The following LAMA2 variants were observed in gnomAD, a reference collection of about 807,000 sequenced individuals.
LAMA2 encodes the protein laminin subunit alpha 2.
In LAMA2, 269 loss-of-function variants were observed where a neutral mutation model predicts 364.8. The observed-to-expected ratio is 0.74, with a 90% CI of 0.67 to 0.82. The LOEUF is 0.82. LAMA2 is among the 40% of genes least tolerant of loss of function. LAMA2 has a pLI of 0.00. For missense variants in LAMA2, 3,807 were observed against 3,873.2 expected (o/e 0.98, Z 0.45); for synonymous variants, 1,379 against 1,370.6 (o/e 1.01, Z -0.14).
At chr6:129,218,700 A>G (rs983157570) in intron 12 of LAMA2, among the ~76,000 whole-genome samples, 2 of 152,210 alleles carry the variant, frequency 1.3e-5, no homozygotes, top group African/African-American at 4.8e-5. Context: ...TGATCTAAAT[A>G]TAGAAAGCAT....
intron 54 of LAMA2, 145 bp downstream of exon 54, chr6:129,478,958 G>A: frequency 1.3e-6 from 1 of 789,188 alleles, no homozygotes; most frequent in South Asian, 1.5e-5. Flanking sequence ...CAAGATTAAA[G>A]CATTCTCTAA....
chr6:128,913,755 T>C (rs1269693427), intron 1 of LAMA2, among the ~76,000 whole-genome samples: 1 of 152,190 alleles, frequency 6.6e-6, no homozygotes, highest in Non-Finnish European at 1.5e-5. Context: ...GGCATAATCA[T>C]ATTTTTATGT....
chr6:129,365,082 A>G (rs923048472), intron 32 of LAMA2, among the ~76,000 whole-genome samples: 3 of 152,204 alleles, frequency 2.0e-5, no homozygotes, highest in South Asian at 2.1e-4. Flanking sequence ...TGGGGATGAC[A>G]TTTCAATATG....
chr6:129,159,043 C>T, intron 8 of LAMA2: 1 of 1,581,290 alleles, frequency 6.3e-7, no homozygotes, highest in South Asian at 1.1e-5. Context: ...GCATACTATC[C>T]AGATTCTGTC....
At chr6:129,056,380 G>A (rs539438380) in intron 2 of LAMA2, among the ~76,000 whole-genome samples, 48 of 152,238 alleles carry the variant, frequency 3.2e-4, no homozygotes, top group African/African-American at 7.9e-4. Context: ...TTTGACTAAT[G>A]CTAACATTTA....
chr6:129,317,453 A>C (rs1774683376), intron 27 of LAMA2, among the ~76,000 whole-genome samples: 1 of 152,198 alleles, frequency 6.6e-6, no homozygotes, highest in Non-Finnish European at 1.5e-5. Context: ...TATTTCATGC[A>C]GAAGATCCAT....
At chr6:129,051,183 G>C (rs1397136600) in intron 2 of LAMA2, among the ~76,000 whole-genome samples, 1 of 138,618 alleles carries the variant, frequency 7.2e-6, no homozygotes, top group Non-Finnish European at 1.5e-5. Flanking sequence ...CTCTCTCTCT[G>C]TATATATATA....
chr6:129,425,825 G>T (rs1327203182), intron 40 of LAMA2, among the ~76,000 whole-genome samples: 1 of 151,984 alleles, frequency 6.6e-6, no homozygotes, highest in Non-Finnish European at 1.5e-5. Flanking sequence ...TATTTATCCA[G>T]TCTGCCGCTG....
At chr6:128,928,767 A>G (rs184077569) in intron 1 of LAMA2, among the ~76,000 whole-genome samples, 47 of 152,382 alleles carry the variant, frequency 3.1e-4, no homozygotes, top group Admixed American at 6.5e-4. Flanking sequence ...ACATTTGATC[A>G]GTTGTCAAAG....
rs1223038469 is a variant in LAMA2, at chr6:129,200,324, A to G, written c.1782+7471A>G. Among the ~76,000 whole-genome samples the G allele has an allele frequency of 1.4e-5, 2 of 146,550 alleles. 1 individual carries two copies. Among genetic ancestry groups the G allele is most frequent in the Non-Finnish European group, 3.1e-5 (2 of 65,488 alleles). ...CATGTGTGTATATATATACGTGTAC[A>G]CATATACATATACACGTATATGTGT... is the stretch of plus-strand genomic sequence containing the variant. On this transcript the variant is annotated intron_variant, in intron 12 of 64. Transcript: ENST00000421865.
chr6:128,921,711 T>TTA (rs1554324962), intron 1 of LAMA2, among the ~76,000 whole-genome samples: 2 of 138,708 alleles, frequency 1.4e-5, no homozygotes, highest in African/African-American at 5.6e-5. Flanking sequence ...TTTTTTTTTT[T>TTA]TTATTATTAT....
In LAMA2 at chr6:129,492,082, G is replaced by A; in HGVS notation, c.8075+5G>A. ...GAATCTTGTTATTAACTCTGTGTAA[G>A]TGGATCTCCTCATTACTACTACTAA... is the stretch of plus-strand genomic sequence containing the variant. On this transcript the variant is annotated splice_donor_5th_base_variant and intron_variant, in intron 57 of 64. Coordinates refer to ENST00000421865, the MANE Select transcript of LAMA2 (RefSeq NM_000426.4). 1.2e-6 allele frequency: 2 copies of A among 1,611,344 alleles called. No individual in the cohort carries two copies. The highest frequency in any genetic ancestry group is 1.3e-5 in the African/African-American group (1 of 74,928).
At chr6:129,037,607 T>C (rs1355475913) in intron 1 of LAMA2, among the ~76,000 whole-genome samples, 2 of 152,110 alleles carry the variant, frequency 1.3e-5, no homozygotes, top group African/African-American at 4.8e-5. Flanking sequence ...GTTAAAAATA[T>C]AATAATATGC....
intron 29 of LAMA2, among the ~76,000 whole-genome samples, chr6:129,338,106 T>A (rs530763820): frequency 7.4e-4 from 113 of 152,338 alleles, no homozygotes; most frequent in Admixed American, 2.7e-3. Context: ...GAAGAAATTA[T>A]GTAGACTTAC....
intron 10 of LAMA2, among the ~76,000 whole-genome samples, chr6:129,184,660 T>A (rs1405669641): frequency 6.6e-6 from 1 of 151,886 alleles, no homozygotes; most frequent in Non-Finnish European, 1.5e-5. Context: ...TGTTCGCCCC[T>A]GATCCTTGCT....
chr6:129,194,289 G>C (rs1781711606), intron 12 of LAMA2, among the ~76,000 whole-genome samples: 2 of 151,718 alleles, frequency 1.3e-5, no homozygotes, highest in South Asian at 4.1e-4. Flanking sequence ...TTTCTTATAT[G>C]ATGGCAACAC....
intron 1 of LAMA2, among the ~76,000 whole-genome samples, chr6:128,890,375 A>T (rs1324914741): frequency 6.6e-6 from 1 of 152,146 alleles, no homozygotes; most frequent in Non-Finnish European, 1.5e-5. Context: ...GTAGATGCTA[A>T]CTATCACCTC....
At chr6:129,127,384 T>C (rs1777179879) in intron 4 of LAMA2, among the ~76,000 whole-genome samples, 1 of 152,234 alleles carries the variant, frequency 6.6e-6, no homozygotes, top group Admixed American at 6.5e-5. Context: ...AAATAGTATT[T>C]CATCGTGTAT....
intron 1 of LAMA2, among the ~76,000 whole-genome samples, chr6:128,969,838 G>A (rs1374931549): frequency 6.6e-6 from 1 of 152,094 alleles, no homozygotes; most frequent in Non-Finnish European, 1.5e-5. Context: ...CATACTTTAG[G>A]AACAACTGGT....
Sources: gnomAD v4.1 joint callset for allele counts (sites outside exome capture counted in the v4.1 genomes callset) on GRCh38, gnomAD v4.1.1 for gene constraint, MANE v1.5 for transcripts, NCBI Gene and HGNC (gene_info 2026-07-23, HGNC 2026-07-21) for gene names.